The following FRMD4A variants were observed in gnomAD, a reference collection of about 807,000 sequenced individuals.
FRMD4A encodes the protein FERM domain containing 4A.
Under a neutral mutation model 129.1 loss-of-function variants are expected in FRMD4A, and 29 were observed. The observed-to-expected ratio is 0.22, with a 90% CI of 0.17 to 0.31. The LOEUF is 0.31. Among genes scored for constraint, FRMD4A ranks in the 10% least tolerant of loss-of-function variants. FRMD4A has a pLI of 1.00. For synonymous variants in FRMD4A, 634 were observed against 571.6 expected (o/e 1.11, Z -1.56); for missense variants, 1,272 against 1,375.8 (o/e 0.92, Z 1.19).
chr10:14,234,648 G>C (rs1226433468), intron 2 of FRMD4A, among the ~76,000 whole-genome samples: 2 of 152,202 alleles, frequency 1.3e-5, no homozygotes, highest in East Asian at 3.8e-4. Context: ...GTCCCAATGA[G>C]AAGGGCCCTG....
At chr10:13,810,715 G>T (rs755167777) in intron 4 of FRMD4A, 99 bp downstream of exon 4, 63 of 583,130 alleles carry the variant, frequency 1.1e-4, no homozygotes, top group Non-Finnish European at 1.8e-4. Context: ...GGACCCAAGT[G>T]GTCTGCAGCT....
chr10:13,963,397 G>C (rs149160172), intron 2 of FRMD4A, among the ~76,000 whole-genome samples: 4 of 150,244 alleles, frequency 2.7e-5, no homozygotes, highest in Non-Finnish European at 4.4e-5. Context: ...TTGCCATAAC[G>C]AAATGATGAA....
At chr10:13,808,976 C>T (rs1042427578) in intron 4 of FRMD4A, among the ~76,000 whole-genome samples, 4 of 151,116 alleles carry the variant, frequency 2.6e-5, no homozygotes, top group African/African-American at 4.8e-5. Flanking sequence ...CTTCTACGCA[C>T]GCACACACGC....
intron 4 of FRMD4A, among the ~76,000 whole-genome samples, chr10:13,807,555 A>C (rs962142682): frequency 8.2e-6 from 1 of 122,284 alleles, no homozygotes; most frequent in African/African-American, 2.7e-5. Flanking sequence ...AAAACTGTTG[A>C]TTGCTAACAA....
intron 2 of FRMD4A, among the ~76,000 whole-genome samples, chr10:14,276,538 T>TC (rs1419580211): frequency 1.3e-5 from 2 of 152,338 alleles, no homozygotes; most frequent in Non-Finnish European, 1.5e-5. Context: ...GAACTCCGTG[T>TC]CCCCATTTTA....
At chr10:13,966,369 C>T (rs564989527) in intron 2 of FRMD4A, among the ~76,000 whole-genome samples, 111 of 152,258 alleles carry the variant, frequency 7.3e-4, no homozygotes, top group Middle Eastern at 6.8e-3. Flanking sequence ...AAAGCAATGG[C>T]GGTTTTTGCT....
rs116839826 is a variant in FRMD4A, at chr10:13,876,058, G to A, written c.46-17146C>T. ...TGAACAAGCATCATTGCTCAAAATGGAATGGGTTGCCCCGTTATCACTGCA... is the reference window on the plus strand; with the variant it reads ...TGAACAAGCATCATTGCTCAAAATGAAATGGGTTGCCCCGTTATCACTGCA... On this transcript the variant is annotated intron_variant, in intron 2 of 24. Transcript: ENST00000357447. Among the ~76,000 whole-genome samples, 561 of 152,338 alleles carry A rather than the reference G, an allele frequency of 3.7e-3. 2 individuals carry two copies. Among genetic ancestry groups the A allele is most frequent in the African/African-American group, 0.013 (548 of 41,564 alleles).
intron 2 of FRMD4A, among the ~76,000 whole-genome samples, chr10:13,980,645 G>A (rs2095557275): frequency 6.6e-6 from 1 of 152,154 alleles, no homozygotes; most frequent in Admixed American, 6.5e-5. Flanking sequence ...GCTTGACCCT[G>A]GGAGTGAGAG....
At chr10:13,865,315 T>C (rs774155219) in intron 2 of FRMD4A, among the ~76,000 whole-genome samples, 4 of 152,198 alleles carry the variant, frequency 2.6e-5, no homozygotes, top group African/African-American at 7.2e-5. Context: ...TTATCAGTTG[T>C]ATGGTTTTGG....
chr10:13,974,278 A>G (rs1390615155), intron 2 of FRMD4A, among the ~76,000 whole-genome samples: 1 of 152,162 alleles, frequency 6.6e-6, no homozygotes, highest in East Asian at 1.9e-4. Flanking sequence ...CTGAATATAA[A>G]CAAGAATTCC....
intron 2 of FRMD4A, among the ~76,000 whole-genome samples, chr10:13,913,466 T>C (rs2094965228): frequency 6.6e-6 from 1 of 152,218 alleles, no homozygotes; most frequent in Admixed American, 6.5e-5. Flanking sequence ...ACAATAAACA[T>C]AAGCATCCTG....
At chr10:14,246,254 C>G (rs192495622) in intron 2 of FRMD4A, among the ~76,000 whole-genome samples, 1 of 152,100 alleles carries the variant, frequency 6.6e-6, no homozygotes, top group East Asian at 1.9e-4. Flanking sequence ...GGGGCAAAAT[C>G]AATTTATCAA....
At chr10:14,191,512 A>G (rs566471715) in intron 2 of FRMD4A, among the ~76,000 whole-genome samples, 17 of 152,302 alleles carry the variant, frequency 1.1e-4, no homozygotes, top group Middle Eastern at 3.4e-3. Flanking sequence ...TGAGAAATAC[A>G]ATCGACCGCT....
chr10:14,001,657 C>T (rs1222733856), intron 2 of FRMD4A, among the ~76,000 whole-genome samples: 3 of 152,166 alleles, frequency 2.0e-5, no homozygotes, highest in Non-Finnish European at 2.9e-5. Flanking sequence ...TAAAATTGCA[C>T]GGGCCTAACC....
At chr10:13,882,692 G>A (rs577887889) in intron 2 of FRMD4A, among the ~76,000 whole-genome samples, 10 of 152,146 alleles carry the variant, frequency 6.6e-5, no homozygotes, top group South Asian at 4.1e-4. Context: ...CCAGCCAGCA[G>A]GGCAAGCCAC....
chr10:13,697,315 C>A (rs1231572314), intron 14 of FRMD4A, among the ~76,000 whole-genome samples: 1 of 152,130 alleles, frequency 6.6e-6, no homozygotes, highest in East Asian at 1.9e-4. Flanking sequence ...GTCCACCACG[C>A]CTGGCTATTT....
chr10:14,085,434 T>C (rs1836210536), intron 2 of FRMD4A, among the ~76,000 whole-genome samples: 1 of 152,204 alleles, frequency 6.6e-6, no homozygotes, highest in Non-Finnish European at 1.5e-5. Context: ...TTTCAGCAGT[T>C]CTTCTCTCCC....
chr10:13,919,928 A>T (rs140057335), intron 2 of FRMD4A, among the ~76,000 whole-genome samples: 9,438 of 152,202 alleles, frequency 0.062, 961 homozygotes, highest in African/African-American at 0.21. Flanking sequence ...ACAGAGTCAG[A>T]TCCTGTCTCA....
rs2134288135 is a variant in FRMD4A at position 13,645,456 on chromosome 10, C to T, written c.*1582G>A. On this transcript the variant is annotated 3_prime_UTR_variant, in exon 25 of 25. Coordinates refer to ENST00000357447, the MANE Select transcript of FRMD4A (RefSeq NM_018027.5). Reference sequence around the variant, plus strand: ...CTTGAATAACCCAACTAAAGTCGTGCACTTGTTACTATAAAAGTATTTTTG... The same window carrying T: ...CTTGAATAACCCAACTAAAGTCGTGTACTTGTTACTATAAAAGTATTTTTG... 1 of 152,006 alleles carries T rather than the reference C, an allele frequency of 6.6e-6. No individual in the cohort carries two copies. The highest frequency in any genetic ancestry group is 2.0e-4 in the East Asian group (1 of 5,118). 9.4% of individuals were successfully genotyped at this position (152,006 alleles called of 1,614,324 possible).
Sources: allele counts gnomAD v4.1 joint callset (sites outside exome capture counted in the v4.1 genomes callset), GRCh38; gene constraint gnomAD v4.1.1; transcripts MANE v1.5; gene names NCBI Gene and HGNC (gene_info 2026-07-23, HGNC 2026-07-21).